Variants in CLDN16 observed in about 807,000 individuals in gnomAD.
CLDN16 encodes the protein claudin-16.
In CLDN16, 13 loss-of-function variants were observed where a neutral mutation model predicts 24.6. That is an observed-to-expected ratio of 0.53 (90% CI 0.34 to 0.84). CLDN16 has a LOEUF of 0.84. Among genes scored for constraint, CLDN16 ranks in the 40% least tolerant of loss-of-function variants. The pLI is 0.01. For missense variants in CLDN16, 298 were observed against 292.7 expected (o/e 1.02, Z -0.13); for synonymous variants, 116 against 106.7 (o/e 1.09, Z -0.54).
intron 4 of CLDN16, among the ~76,000 whole-genome samples, chr3:190,409,434 CTA>C (rs1161952871): frequency 2.7e-5 from 4 of 150,672 alleles, no homozygotes; most frequent in Non-Finnish European, 5.9e-5. Flanking sequence ...ATTAAAATAA[CTA>C]TTATACATTT....
upstream of CLDN16, among the ~76,000 whole-genome samples, chr3:190,385,966 A>G (rs1718488491): frequency 6.6e-6 from 1 of 152,152 alleles, no homozygotes; most frequent in Admixed American, 6.6e-5. Flanking sequence ...CTGGGTTTGC[A>G]TTTATAACAA....
chr3:190,395,968 T>C lies in CLDN16; in HGVS notation c.115-6369T>C, dbSNP rs557016761. On this transcript the variant is annotated intron_variant, in intron 1 of 4. Coordinates refer to ENST00000264734, the MANE Select transcript of CLDN16 (RefSeq NM_006580.4). Reference sequence around the variant, plus strand: ...CTAGAGAAGAGATAAATGCCGAACATTGTTGAATGTCTCTAATTCTCAAGT... The same window carrying C: ...CTAGAGAAGAGATAAATGCCGAACACTGTTGAATGTCTCTAATTCTCAAGT... Among the ~76,000 whole-genome samples, 59 of 152,174 alleles carry C rather than the reference T, an allele frequency of 3.9e-4. 1 individual carries two copies. The highest frequency in any genetic ancestry group is 4.3e-4 in the Non-Finnish European group (29 of 67,974).
Position 190,342,817 on chromosome 3 carries a change from G to T in CLDN16, n.121+20156G>T, listed in dbSNP as rs187497068. ...CACACACAAAAATTAATTTAGAATG[G>T]ATTAAAGACTTAAACATAAGAAATG... is the stretch of plus-strand genomic sequence containing the variant. On this transcript the variant is annotated intron_variant and non_coding_transcript_variant, in intron 1 of 4. Coordinates refer to the CLDN16 transcript ENST00000468220. 3.9e-5 allele frequency among the ~76,000 whole-genome samples: 6 copies of T among 152,144 alleles called. No individual in the cohort carries two copies. The East Asian group carries it at 1.2e-3, about 29-fold the overall frequency.
intron 3 of CLDN16, among the ~76,000 whole-genome samples, chr3:190,405,447 A>AG (rs56176079): frequency 6.7e-6 from 1 of 148,352 alleles, no homozygotes; most frequent in Non-Finnish European, 1.5e-5. Flanking sequence ...AAAAAAAAAA[A>AG]GGAAATAAAG....
rs886058248 is a variant in CLDN16, at chr3:190,410,797, A to G, written c.*761A>G. Reference sequence around the variant, plus strand: ...AATAGTTCAACCAGAGAATTTACTCATTTATTGATTAAACATCCAAATACT... The same window carrying G: ...AATAGTTCAACCAGAGAATTTACTCGTTTATTGATTAAACATCCAAATACT... On this transcript the variant is annotated 3_prime_UTR_variant, in exon 5 of 5. Coordinates refer to ENST00000264734, the MANE Select transcript of CLDN16 (RefSeq NM_006580.4). The G allele has an allele frequency of 6.6e-6, 1 of 152,222 alleles. No individual in the cohort carries two copies. Among genetic ancestry groups the G allele is most frequent in the Admixed American group, 6.5e-5 (1 of 15,274 alleles). 9.4% of individuals were successfully genotyped at this position (152,222 alleles called of 1,614,324 possible).
intron 1 of CLDN16, 82 bp from the exon 2 acceptor site, chr3:190,402,255 C>T: frequency 1.9e-6 from 2 of 1,058,518 alleles, no homozygotes; most frequent in Non-Finnish European, 3.0e-6. Flanking sequence ...TCAAACACAA[C>T]CACCAACTTC....
chr3:190,292,877 A>T, the CLDN16 span, among the ~76,000 whole-genome samples: 2 of 152,096 alleles, frequency 1.3e-5, no homozygotes, highest in Non-Finnish European at 1.5e-5. Flanking sequence ...ACCATTCAAC[A>T]AGTCTCTAGG....
chr3:190,378,632 G>T (rs966800007), intron 3 of CLDN16, among the ~76,000 whole-genome samples: 7 of 152,038 alleles, frequency 4.6e-5, no homozygotes, highest in Non-Finnish European at 1.0e-4. Flanking sequence ...CCTGCTGTCG[G>T]ATCTTGATGA....
At chr3:190,300,077 G>A in the CLDN16 span, among the ~76,000 whole-genome samples, 4 of 152,184 alleles carry the variant, frequency 2.6e-5, no homozygotes, top group Non-Finnish European at 4.4e-5. Flanking sequence ...AGCTCTATTG[G>A]CTAATTCTCT....
chr3:190,292,516 A>T, the CLDN16 span, among the ~76,000 whole-genome samples: 1 of 152,046 alleles, frequency 6.6e-6, no homozygotes, highest in Non-Finnish European at 1.5e-5. Flanking sequence ...TATTTTCCCC[A>T]TTGTCTTGGC....
At chr3:190,301,715 CTACTT>C in the CLDN16 span, among the ~76,000 whole-genome samples, 1 of 152,268 alleles carries the variant, frequency 6.6e-6, no homozygotes, top group Admixed American at 6.5e-5. Context: ...GCAGTTGACT[CTACTT>C]TAAAGTAAAT....
intron 1 of CLDN16, among the ~76,000 whole-genome samples, chr3:190,336,810 C>T (rs1006998591): frequency 9.2e-5 from 14 of 152,172 alleles, no homozygotes; most frequent in Admixed American, 2.0e-4. Flanking sequence ...AAAAGCTGTT[C>T]GCCAAGAACT....
At chr3:190,399,733 C>G (rs759126069) in intron 1 of CLDN16, among the ~76,000 whole-genome samples, 9 of 152,078 alleles carry the variant, frequency 5.9e-5, no homozygotes, top group African/African-American at 2.2e-4. Flanking sequence ...CAATAGCCAT[C>G]CTAGAGTGCT....
chr3:190,402,393 G>A lies in CLDN16; in HGVS notation c.171G>A (p.Gly57=), dbSNP rs56147287. Residue 57 remains glycine (G), a synonymous_variant, in exon 2 of 5, where the codon GGG becomes GGA. Transcript: ENST00000264734. ...WWECVTNAFD[G]IRTCDEYDSI... ...AATGCGTCACAAATGCTTTTGATGG[G>A]ATTCGCACCTGTGATGAGTACGATT... is the stretch of plus-strand genomic sequence containing the variant. 111 of 1,614,028 alleles carry A rather than the reference G, an allele frequency of 6.9e-5. No individual in the cohort carries two copies. The highest frequency in any genetic ancestry group is 1.2e-4 in the South Asian group (11 of 91,078).
At chr3:190,322,553 G>A in exon 1 of CLDN16, 1 of 315,170 alleles carries the variant, frequency 3.2e-6, no homozygotes, top group East Asian at 8.5e-5. Context: ...GAGGGCGCCG[G>A]GAGCGCCCGG....
At chr3:190,408,545 T>C in intron 4 of CLDN16, 40 bp downstream of exon 4, 1 of 1,573,938 alleles carries the variant, frequency 6.4e-7, no homozygotes, top group Non-Finnish European at 8.7e-7. Context: ...TTGCCTCCAC[T>C]ATCGTTTTTC....
chr3:190,404,973 A>C, intron 3 of CLDN16, 47 bp downstream of exon 3: 1 of 1,574,790 alleles, frequency 6.4e-7, no homozygotes, highest in East Asian at 2.2e-5. Context: ...GACTCTGCTA[A>C]GGGCTTGAGG....
At chr3:190,403,249 T>C (rs1338278415) in intron 2 of CLDN16, among the ~76,000 whole-genome samples, 1 of 152,016 alleles carries the variant, frequency 6.6e-6, no homozygotes, top group African/African-American at 2.4e-5. Flanking sequence ...GGAGAATCAC[T>C]TGAACCCAGA....
At chr3:190,362,843 T>G (rs1372593702) in intron 1 of CLDN16, among the ~76,000 whole-genome samples, 1 of 151,986 alleles carries the variant, frequency 6.6e-6, no homozygotes, top group Non-Finnish European at 1.5e-5. Flanking sequence ...CCCTATACAT[T>G]ATATGTTTTC....
Sources: allele counts gnomAD v4.1 joint callset (sites outside exome capture counted in the v4.1 genomes callset), GRCh38; gene constraint gnomAD v4.1.1; transcripts MANE v1.5; gene names NCBI Gene and HGNC (gene_info 2026-07-23, HGNC 2026-07-21).